Variants in VOPP1 observed in about 807,000 individuals in gnomAD.
VOPP1 encodes VOPP1 WW domain binding protein.
A neutral mutation model predicts 23.5 loss-of-function variants in VOPP1; 8 were observed. That is an observed-to-expected ratio of 0.34 (90% CI 0.20 to 0.61). The LOEUF (loss-of-function observed/expected upper bound fraction) is 0.61, where lower values mean the gene tolerates loss of function less well. Among genes scored for constraint, VOPP1 ranks in the 20% least tolerant of loss-of-function variants. The probability of loss-of-function intolerance (pLI) is 0.78; values close to 1 mark genes in which losing one functional copy is unlikely to be tolerated. For synonymous variants in VOPP1, 83 were observed against 97.3 expected (o/e 0.85, Z 0.86); for missense variants, 174 against 238.1 (o/e 0.73, Z 1.77).
chr7:55,524,099 C>G (rs1032347281), intron 1 of VOPP1, among the ~76,000 whole-genome samples: 7 of 152,194 alleles, frequency 4.6e-5, no homozygotes, highest in African/African-American at 1.7e-4. Context: ...CTTCTGGGAG[C>G]CCTTCCTGGG....
chr7:55,570,867 A>G (rs1312828914), intron 1 of VOPP1, among the ~76,000 whole-genome samples: 3 of 152,076 alleles, frequency 2.0e-5, no homozygotes, highest in Non-Finnish European at 4.4e-5. Flanking sequence ...GCTTGAACCC[A>G]GGAGGCGGAG....
At chr7:55,463,894 G>A (rs1791569215) in intron 4 of VOPP1, among the ~76,000 whole-genome samples, 3 of 152,258 alleles carry the variant, frequency 2.0e-5, no homozygotes, top group Admixed American at 2.0e-4. Context: ...TGGACAACAT[G>A]TGCAAACTCC....
chr7:55,464,351 C>A (rs1791581325), intron 4 of VOPP1, among the ~76,000 whole-genome samples: 1 of 152,106 alleles, frequency 6.6e-6, no homozygotes. Context: ...TTATGGCATG[C>A]TTGGGTGCCG....
intron 4 of VOPP1, among the ~76,000 whole-genome samples, chr7:55,460,515 A>C (rs1791472704): frequency 6.6e-6 from 1 of 152,194 alleles, no homozygotes; most frequent in Non-Finnish European, 1.5e-5. Flanking sequence ...GTCCCCAACT[A>C]TTATTGTATT....
At chr7:55,491,387 A>T (rs962256240) in intron 4 of VOPP1, among the ~76,000 whole-genome samples, 1 of 152,214 alleles carries the variant, frequency 6.6e-6, no homozygotes, top group African/African-American at 2.4e-5. Context: ...CCTAGAACTG[A>T]CCACCTATCC....
At chr7:55,474,020 C>A (rs1349602741) in intron 4 of VOPP1, among the ~76,000 whole-genome samples, 5 of 152,210 alleles carry the variant, frequency 3.3e-5, no homozygotes, top group Admixed American at 3.3e-4. Flanking sequence ...ATAAGTCAGA[C>A]CATGGGAATC....
chr7:55,530,465 A>T (rs1212337771), intron 1 of VOPP1, among the ~76,000 whole-genome samples: 1 of 152,138 alleles, frequency 6.6e-6, no homozygotes, highest in East Asian at 1.9e-4. Context: ...AACAACCCTG[A>T]GAGTTAGGTG....
chr7:55,521,543 TATATTTCAGA>T (rs1452949531), intron 1 of VOPP1: 2 of 1,000,678 alleles, frequency 2.0e-6, no homozygotes, highest in East Asian at 2.1e-4. Flanking sequence ...TCTAGAGCTG[TATATTTCAGA>T]ATATGCTAAA....
intron 2 of VOPP1, among the ~76,000 whole-genome samples, chr7:55,502,650 C>T (rs1226213168): frequency 3.3e-5 from 5 of 152,186 alleles, no homozygotes; most frequent in Non-Finnish European, 5.9e-5. Flanking sequence ...CAAAGAGCTG[C>T]AATTACAAAG....
At chr7:55,536,875 A>G (rs897524223) in intron 1 of VOPP1, among the ~76,000 whole-genome samples, 6 of 152,140 alleles carry the variant, frequency 3.9e-5, no homozygotes, top group Non-Finnish European at 8.8e-5. Flanking sequence ...AGGGCATTCA[A>G]TGTAAGTGCC....
intron 4 of VOPP1, among the ~76,000 whole-genome samples, chr7:55,461,812 T>C (rs1186468713): frequency 1.3e-5 from 2 of 152,210 alleles, no homozygotes; most frequent in Non-Finnish European, 2.9e-5. Flanking sequence ...TTGTTAATTG[T>C]TTTCTACTTG....
intron 4 of VOPP1, among the ~76,000 whole-genome samples, chr7:55,439,459 G>A (rs141971333): frequency 6.6e-6 from 1 of 152,310 alleles, no homozygotes; most frequent in Non-Finnish European, 1.5e-5. Context: ...GACAAAGAGA[G>A]TCACAGCTGG....
At chr7:55,530,289 C>T (rs1387368257) in intron 1 of VOPP1, among the ~76,000 whole-genome samples, 1 of 152,120 alleles carries the variant, frequency 6.6e-6, no homozygotes, top group Non-Finnish European at 1.5e-5. Context: ...CCATCTAGTA[C>T]TGTACTGGTA....
rs55773645 is a variant in VOPP1, at chr7:55,564,272, G to A, written c.54+7999C>T. ...CTCTCTCTCTCTCTCTCTCTCGCTC[G>A]CTTGCTCTCTCTCACTCTCCTCTTC... On this transcript the variant is annotated intron_variant, in intron 1 of 4. Transcript: ENST00000285279. Among the ~76,000 whole-genome samples the A allele has an allele frequency of 2.1e-4, 5 of 23,374 alleles. No homozygotes were observed. The Admixed American group carries it at 2.5e-3, about 12-fold the overall frequency. The allele number at this position is 23,374 out of a possible 152,430, so 15.3% of individuals were successfully genotyped here. A position where few individuals can be genotyped will look rare whatever the true frequency, so the allele number is the denominator to read the frequency against.
chr7:55,505,656 AGGGAGGGAGGGAGGGAGGGAGGG>A (rs1794669404), intron 2 of VOPP1, among the ~76,000 whole-genome samples: 1 of 516 alleles, frequency 1.9e-3, no homozygotes. Flanking sequence ...GAAGGAAGGG[AGGGAGGGAGGGAGGGAGGGAGGG>A]AGGGAGGGAG....
intron 2 of VOPP1, among the ~76,000 whole-genome samples, chr7:55,501,640 G>C (rs1367255903): frequency 6.6e-6 from 1 of 152,200 alleles, no homozygotes; most frequent in Admixed American, 6.5e-5. Flanking sequence ...GTCCTCAAGT[G>C]ATCAAATTCT....
chr7:55,447,021 G>C lies in VOPP1; in HGVS notation n.418-10847C>G, dbSNP rs34183189. Among the ~76,000 whole-genome samples, 1,302 of 152,320 alleles carry C rather than the reference G, an allele frequency of 8.5e-3. 11 individuals are homozygous for C. The highest frequency in any genetic ancestry group is 0.012 in the Non-Finnish European group (840 of 68,026). On this transcript the variant is annotated intron_variant and non_coding_transcript_variant, in intron 4 of 4. Coordinates refer to the VOPP1 transcript ENST00000462326. ...TGATCAAAGCAGGGTGAACGGGCTT[G>C]TGGCAATGCCAGCAACCCTTATCCC...
rs1022908491 is a variant in VOPP1, at chr7:55,562,129, C to T, written c.54+10142G>A. The T allele has an allele frequency of 2.0e-5, 14 of 699,290 alleles. No homozygotes were observed. The African/African-American group carries it at 2.4e-4, about 12-fold the overall frequency. The allele number at this position is 699,290 out of a possible 1,614,324, so 43.3% of individuals were successfully genotyped here. A position where few individuals can be genotyped will look rare whatever the true frequency, so the allele number is the denominator to read the frequency against. On this transcript the variant is annotated intron_variant, in intron 1 of 4. Transcript: ENST00000285279. ...TCCCTACCTCATTCTAATGTACAGC[C>T]AACGCTGAGAATGGCAAGGAGGTCT...
intron 1 of VOPP1, chr7:55,552,842 C>A (rs185565966): frequency 1.8e-5 from 25 of 1,428,170 alleles, no homozygotes; most frequent in Non-Finnish European, 2.3e-5. Flanking sequence ...AGAAAGGTGA[C>A]GGAGCACTAT....
Sources: allele counts gnomAD v4.1 joint callset (sites outside exome capture counted in the v4.1 genomes callset), GRCh38; gene constraint gnomAD v4.1.1; transcripts MANE v1.5; gene names NCBI Gene and HGNC (gene_info 2026-07-23, HGNC 2026-07-21).